PCDH11X: variants seen among roughly 807,000 people sequenced by gnomAD.
PCDH11X encodes the protein protocadherin-11 X-linked.
In PCDH11X, 18 loss-of-function variants were observed where a neutral mutation model predicts 53.3. That is an observed-to-expected ratio of 0.34 (90% CI 0.23 to 0.50). The LOEUF is 0.50. Among genes scored for constraint, PCDH11X ranks in the 20% least tolerant of loss-of-function variants. The pLI is 0.98. For synonymous variants in PCDH11X, 279 were observed against 393.3 expected, an observed-to-expected ratio of 0.71 and a Z score of 3.44; for missense variants, 570 against 1,032.4, an observed-to-expected ratio of 0.55 and a Z score of 6.14.
chrX:92,094,657 G>T (rs918318916), intron 6 of PCDH11X, among the ~76,000 whole-genome samples: 1 of 111,043 alleles, frequency 9.0e-6, no homozygotes, highest in Non-Finnish European at 1.9e-5. Context: ...CTGCCAATTG[G>T]ATGATCATAC....
chrX:92,105,541 C>T (rs781601445), intron 6 of PCDH11X, among the ~76,000 whole-genome samples: 5 of 108,346 alleles, frequency 4.6e-5, no homozygotes, highest in Non-Finnish European at 7.6e-5. Context: ...AGAGAGTCAG[C>T]GAAGGGAGAT....
At chrX:92,229,392 G>A (rs1036735873) in intron 7 of PCDH11X, among the ~76,000 whole-genome samples, 10 of 111,082 alleles carry the variant, frequency 9.0e-5, no homozygotes, top group African/African-American at 3.3e-4. Flanking sequence ...AATTTATGAA[G>A]ATGATTGAGT....
rs999005191 is a variant in PCDH11X at position 91,939,259 on chromosome X, A to G, written c.3033+59986A>G. 8.0e-4 allele frequency among the ~76,000 whole-genome samples: 89 copies of G among 111,118 alleles called. 1 individual carries two copies. Among genetic ancestry groups the G allele is most frequent in the Non-Finnish European group, 1.3e-3 (71 of 52,882 alleles). The stretch of plus-strand genomic sequence containing the variant: ...AGTAGACATGCAAGAAGAAAAGATT[A>G]GTGAATATGAAGACATAGCAATACA... On this transcript the variant is annotated intron_variant, in intron 6 of 10. Transcript: ENST00000682573.
At chrX:92,474,888 G>A (rs1443808995) in intron 10 of PCDH11X, among the ~76,000 whole-genome samples, 30 of 109,381 alleles carry the variant, frequency 2.7e-4, no homozygotes, top group African/African-American at 6.7e-5. Context: ...TAGTTTGGCC[G>A]GGCGCGGTGG....
At chrX:92,219,330 A>C (rs1207409819) in intron 7 of PCDH11X, among the ~76,000 whole-genome samples, 1 of 111,254 alleles carries the variant, frequency 9.0e-6, no homozygotes, top group Non-Finnish European at 1.9e-5. Flanking sequence ...CCTTAAGCTG[A>C]TAAGCAACTT....
chrX:91,832,075 G>A (rs892174426), intron 4 of PCDH11X, among the ~76,000 whole-genome samples: 2 of 108,492 alleles, frequency 1.8e-5, no homozygotes, highest in Non-Finnish European at 3.8e-5. Flanking sequence ...TATTGTGGAA[G>A]ACAGTGTGGC....
chrX:92,589,291 C>A (rs780596481), intron 10 of PCDH11X, among the ~76,000 whole-genome samples: 1 of 111,439 alleles, frequency 9.0e-6, no homozygotes, highest in African/African-American at 3.3e-5. Context: ...AGAAAACCGG[C>A]ATATTATAAC....
At chrX:92,030,110 G>T (rs1309074034) in intron 6 of PCDH11X, among the ~76,000 whole-genome samples, 1 of 111,227 alleles carries the variant, frequency 9.0e-6, no homozygotes, top group Non-Finnish European at 1.9e-5. Context: ...CTACAGGCAC[G>T]TGCCACCATG....
intron 6 of PCDH11X, among the ~76,000 whole-genome samples, chrX:92,135,303 G>A (rs762853122): frequency 7.2e-5 from 8 of 111,386 alleles, no homozygotes; most frequent in African/African-American, 2.6e-4. Flanking sequence ...AGGGCAAATA[G>A]CATCATTCAT....
intron 8 of PCDH11X, among the ~76,000 whole-genome samples, chrX:92,341,442 C>A (rs1038850435): frequency 4.5e-5 from 5 of 111,728 alleles, no homozygotes; most frequent in Non-Finnish European, 7.5e-5. Context: ...ATACCAGAGA[C>A]TGGGTAATTT....
At chrX:92,334,517 T>C (rs2069569375) in intron 8 of PCDH11X, among the ~76,000 whole-genome samples, 1 of 111,755 alleles carries the variant, frequency 8.9e-6, no homozygotes, top group Non-Finnish European at 1.9e-5. Flanking sequence ...AGTTCTTGTG[T>C]ATATTTCATC....
At chrX:92,558,379 A>C (rs1458800203) in intron 10 of PCDH11X, among the ~76,000 whole-genome samples, 6 of 111,899 alleles carry the variant, frequency 5.4e-5, no homozygotes, top group Non-Finnish European at 1.1e-4. Context: ...CTCATAGAAG[A>C]GTTACATTGT....
intron 8 of PCDH11X, among the ~76,000 whole-genome samples, chrX:92,314,864 A>C (rs192524207): frequency 1.9e-4 from 21 of 111,959 alleles, no homozygotes; most frequent in African/African-American, 6.2e-4. Context: ...TAGGTCAGTA[A>C]GATTGTTTTC....
At chrX:91,874,078 A>G (rs1454331733) in intron 5 of PCDH11X, among the ~76,000 whole-genome samples, 3 of 111,161 alleles carry the variant, frequency 2.7e-5, no homozygotes, top group Non-Finnish European at 5.7e-5. Flanking sequence ...TGGAATGTCA[A>G]GGATTAAAAG....
At chrX:92,382,199 C>T (rs925748575) in intron 8 of PCDH11X, among the ~76,000 whole-genome samples, 14 of 111,397 alleles carry the variant, frequency 1.3e-4, no homozygotes, top group East Asian at 2.8e-4. Context: ...AGATTTTATA[C>T]GTAAATCAAA....
At chrX:92,325,050 C>G in intron 8 of PCDH11X, among the ~76,000 whole-genome samples, 1 of 111,780 alleles carries the variant, frequency 8.9e-6, no homozygotes, top group Middle Eastern at 4.6e-3. Flanking sequence ...ATTTTCTTAT[C>G]CAGTCTGCCA....
chrX:91,888,092 A>G (rs940107428), intron 6 of PCDH11X, among the ~76,000 whole-genome samples: 18 of 112,033 alleles, frequency 1.6e-4, no homozygotes, highest in Non-Finnish European at 3.2e-4. Flanking sequence ...TCCTTTTGAA[A>G]TAGTTAATTA....
At chrX:92,285,404 C>T (rs1041971092) in intron 8 of PCDH11X, among the ~76,000 whole-genome samples, 1 of 109,432 alleles carries the variant, frequency 9.1e-6, no homozygotes, top group Non-Finnish European at 1.9e-5. Flanking sequence ...GAGGCCCCCA[C>T]CACCATGCCC....
intron 6 of PCDH11X, among the ~76,000 whole-genome samples, chrX:92,154,217 CAAGTTT>C (rs1182480993): frequency 1.8e-5 from 2 of 111,120 alleles, no homozygotes; most frequent in Non-Finnish European, 3.8e-5. Flanking sequence ...CGTTATTGAT[CAAGTTT>C]ATTATTTAAT....
Sources: allele counts gnomAD v4.1 joint callset (sites outside exome capture counted in the v4.1 genomes callset), GRCh38; gene constraint gnomAD v4.1.1; transcripts MANE v1.5; gene names NCBI Gene and HGNC (gene_info 2026-07-23, HGNC 2026-07-21).